Variants in RNGTT observed in about 807,000 individuals in gnomAD.
The protein encoded by RNGTT is RNA guanylyltransferase and 5'-phosphatase, also known as mRNA-capping enzyme.
RNGTT carries 33 observed loss-of-function variants against 79.3 expected under a neutral mutation model. The ratio of observed to expected loss-of-function variants is 0.42; its 90% CI spans 0.32 to 0.56. The LOEUF (loss-of-function observed/expected upper bound fraction) is 0.56, where lower values mean the gene tolerates loss of function less well. RNGTT is among the 20% of genes least tolerant of loss of function. RNGTT has a pLI of 0.17. For missense variants in RNGTT, 497 were observed against 739.1 expected (o/e 0.67, Z 3.80); for synonymous variants, 222 against 235.9 (o/e 0.94, Z 0.54).
intron 12 of RNGTT, among the ~76,000 whole-genome samples, chr6:88,785,172 G>A (rs945267354): frequency 6.6e-6 from 1 of 152,016 alleles, no homozygotes; most frequent in Non-Finnish European, 1.5e-5. Context: ...TCATTTATAT[G>A]AGAACTGATT....
At chr6:88,709,903 C>T (rs898478864) in intron 13 of RNGTT, among the ~76,000 whole-genome samples, 2 of 152,132 alleles carry the variant, frequency 1.3e-5, no homozygotes, top group Admixed American at 6.5e-5. Context: ...TGTACTGTTA[C>T]AGAAATGAGC....
intron 1 of RNGTT, among the ~76,000 whole-genome samples, chr6:88,962,428 T>A (rs1785662647): frequency 6.6e-6 from 1 of 152,028 alleles, no homozygotes; most frequent in African/African-American, 2.4e-5. Context: ...GTCCACGAGT[T>A]CAAGACCAGC....
At chr6:88,952,732 AC>A (rs1175736604) in intron 1 of RNGTT, among the ~76,000 whole-genome samples, 7 of 152,126 alleles carry the variant, frequency 4.6e-5, no homozygotes, top group African/African-American at 1.7e-4. Context: ...TGCCACCCCT[AC>A]CAGAGCAGGT....
chr6:88,683,534 T>C (rs75894856), intron 13 of RNGTT, among the ~76,000 whole-genome samples: 3,132 of 152,090 alleles, frequency 0.021, 121 homozygotes, highest in African/African-American at 0.07. Context: ...TTCCAGAAAA[T>C]AGAAAAGAAT....
intron 14 of RNGTT, among the ~76,000 whole-genome samples, chr6:88,664,313 C>A (rs1774305690): frequency 6.6e-6 from 1 of 152,200 alleles, no homozygotes; most frequent in Non-Finnish European, 1.5e-5. Flanking sequence ...CATGTACACT[C>A]CCTTTGACCC....
chr6:88,943,410 C>T (rs1168320887), intron 1 of RNGTT, among the ~76,000 whole-genome samples: 2 of 152,162 alleles, frequency 1.3e-5, no homozygotes, highest in Non-Finnish European at 2.9e-5. Context: ...CGTAGCTCCA[C>T]CTTCAAAATA....
chr6:88,902,367 A>G (rs1783500511), intron 6 of RNGTT, among the ~76,000 whole-genome samples: 1 of 152,164 alleles, frequency 6.6e-6, no homozygotes, highest in African/African-American at 2.4e-5. Context: ...TGGGAGGCTA[A>G]GGCAGGAAGA....
intron 13 of RNGTT, among the ~76,000 whole-genome samples, chr6:88,699,403 A>C (rs527928066): frequency 6.6e-6 from 1 of 152,280 alleles, no homozygotes; most frequent in South Asian, 2.1e-4. Flanking sequence ...ATCAATAATA[A>C]ATTTTTCACG....
At chr6:88,620,600 G>T (rs1772407564) in intron 14 of RNGTT, among the ~76,000 whole-genome samples, 1 of 152,074 alleles carries the variant, frequency 6.6e-6, no homozygotes, top group Non-Finnish European at 1.5e-5. Context: ...TAAACATCAG[G>T]TTGGTTTTTA....
At chr6:88,854,695 A>C (rs569480027) in intron 8 of RNGTT, among the ~76,000 whole-genome samples, 154 of 152,334 alleles carry the variant, frequency 1.0e-3, no homozygotes, top group Non-Finnish European at 1.8e-3. Context: ...CACAGCCATA[A>C]GATTTTCAAT....
At chr6:88,865,787 A>T (rs745823261) in intron 8 of RNGTT, among the ~76,000 whole-genome samples, 1 of 152,136 alleles carries the variant, frequency 6.6e-6, no homozygotes, top group Non-Finnish European at 1.5e-5. Context: ...AATATACCAA[A>T]AGAATTTCTT....
At chr6:88,962,567 G>A (rs941063356) in intron 1 of RNGTT, among the ~76,000 whole-genome samples, 3 of 152,000 alleles carry the variant, frequency 2.0e-5, no homozygotes, top group African/African-American at 2.4e-5. Context: ...GAGGCCAGGC[G>A]TTGGAGACCA....
chr6:88,915,307 A>G (rs1384234293), intron 4 of RNGTT, among the ~76,000 whole-genome samples: 1 of 152,238 alleles, frequency 6.6e-6, no homozygotes, highest in Non-Finnish European at 1.5e-5. Context: ...CCAAAAAGAT[A>G]CCCGCACTTG....
At chr6:88,888,108 A>G (rs1782928041) in intron 8 of RNGTT, among the ~76,000 whole-genome samples, 1 of 152,098 alleles carries the variant, frequency 6.6e-6, no homozygotes, top group East Asian at 1.9e-4. Context: ...CAGAGTGAGG[A>G]CCCTGTCTCA....
intron 8 of RNGTT, among the ~76,000 whole-genome samples, chr6:88,864,913 T>C (rs542816410): frequency 4.6e-5 from 7 of 152,118 alleles, no homozygotes; most frequent in African/African-American, 1.7e-4. Flanking sequence ...TGGAGAACAG[T>C]GGTTGCCAGG....
At chr6:88,782,644 C>G (rs368587092) in intron 12 of RNGTT, among the ~76,000 whole-genome samples, 4 of 152,078 alleles carry the variant, frequency 2.6e-5, no homozygotes, top group Non-Finnish European at 5.9e-5. Flanking sequence ...AATCTTCAAA[C>G]TATACATCCA....
chr6:88,706,109 G>T lies in RNGTT; in HGVS notation c.1440-27690C>A, dbSNP rs1023217167. On this transcript the variant is annotated intron_variant, in intron 13 of 15. Coordinates refer to ENST00000369485, the MANE Select transcript of RNGTT (RefSeq NM_003800.5). ...CCTTGAGTCCAAAAACACAAAAATTGTTCTCATGACTTTAAGAAAAAATTA... is the reference window on the plus strand; with the variant it reads ...CCTTGAGTCCAAAAACACAAAAATTTTTCTCATGACTTTAAGAAAAAATTA... Among the ~76,000 whole-genome samples the T allele has an allele frequency of 2.0e-5, 3 of 152,124 alleles. 1 individual carries two copies. The South Asian group carries it at 6.2e-4, about 32-fold the overall frequency.
At chr6:88,753,179 A>C (rs146315438) in intron 13 of RNGTT, among the ~76,000 whole-genome samples, 123 of 152,338 alleles carry the variant, frequency 8.1e-4, no homozygotes, top group African/African-American at 2.8e-3. Context: ...ACATAAGAAG[A>C]AATAATGGTT....
At chr6:88,879,972 C>T (rs1782642971) in intron 8 of RNGTT, among the ~76,000 whole-genome samples, 1 of 152,092 alleles carries the variant, frequency 6.6e-6, no homozygotes, top group African/African-American at 2.4e-5. Context: ...GGGGATATGG[C>T]TGCTTTTTAT....
Sources: gnomAD v4.1 joint callset for allele counts (sites outside exome capture counted in the v4.1 genomes callset) on GRCh38, gnomAD v4.1.1 for gene constraint, MANE v1.5 for transcripts, NCBI Gene and HGNC (gene_info 2026-07-23, HGNC 2026-07-21) for gene names.